MAGI2: variants seen among roughly 807,000 people sequenced by gnomAD.
MAGI2 encodes membrane associated guanylate kinase, WW and PDZ domain containing 2.
Under a neutral mutation model 133.3 loss-of-function variants are expected in MAGI2, and 35 were observed. The ratio of observed to expected loss-of-function variants is 0.26; its 90% CI spans 0.20 to 0.35. MAGI2 has a LOEUF of 0.35. Ranked by LOEUF, MAGI2 falls within the 10% of genes least tolerant of loss-of-function variation. The probability of loss-of-function intolerance (pLI) is 1.00; values close to 1 mark genes in which losing one functional copy is unlikely to be tolerated. For missense variants in MAGI2, 1,636 were observed against 1,863.4 expected, an observed-to-expected ratio of 0.88 and a Z score of 2.25; for synonymous variants, 729 against 710.6, an observed-to-expected ratio of 1.03 and a Z score of -0.41.
At chr7:78,317,263 T>C (rs73152045) in intron 9 of MAGI2, among the ~76,000 whole-genome samples, 34,410 of 152,142 alleles carry the variant, frequency 0.23, 5,179 homozygotes, top group African/African-American at 0.41. Context: ...CACCCTCTTC[T>C]GAGGAATTTT....
At chr7:79,091,590 A>G (rs949764237) in intron 1 of MAGI2, among the ~76,000 whole-genome samples, 3 of 152,212 alleles carry the variant, frequency 2.0e-5, no homozygotes, top group African/African-American at 7.2e-5. Context: ...TGTTTTAAAT[A>G]CTATTTTACA....
At chr7:78,030,164 C>T (rs1482031350) in intron 21 of MAGI2, among the ~76,000 whole-genome samples, 1 of 152,166 alleles carries the variant, frequency 6.6e-6, no homozygotes, top group Non-Finnish European at 1.5e-5. Flanking sequence ...TGGAACAATA[C>T]CTGCCATACT....
chr7:78,363,536 C>G (rs1204648147), intron 7 of MAGI2, among the ~76,000 whole-genome samples: 1 of 110,176 alleles, frequency 9.1e-6, no homozygotes, highest in Non-Finnish European at 1.8e-5. Flanking sequence ...AATAATAATT[C>G]TGAAGAAACA....
At chr7:78,123,834 A>G (rs530296207) in intron 20 of MAGI2, among the ~76,000 whole-genome samples, 59 of 152,318 alleles carry the variant, frequency 3.9e-4, no homozygotes, top group Admixed American at 5.9e-4. Context: ...CCCCACTCCT[A>G]GAGTTTCTGA....
chr7:79,070,102 G>C (rs1458794648), intron 1 of MAGI2, among the ~76,000 whole-genome samples: 1 of 152,076 alleles, frequency 6.6e-6, no homozygotes, highest in African/African-American at 2.4e-5. Context: ...CTCTTCTCAA[G>C]GAGTATCTTT....
intron 20 of MAGI2, among the ~76,000 whole-genome samples, chr7:78,094,875 T>C (rs1057333757): frequency 2.4e-4 from 36 of 152,322 alleles, no homozygotes; most frequent in African/African-American, 8.4e-4. Flanking sequence ...CATTGCATAC[T>C]AGGCTGAAGG....
chr7:78,155,857 G>A (rs1308033817), intron 16 of MAGI2, among the ~76,000 whole-genome samples: 1 of 152,152 alleles, frequency 6.6e-6, no homozygotes, highest in African/African-American at 2.4e-5. Flanking sequence ...CTTTGGTAAA[G>A]AGCATTACTA....
At chr7:78,570,557 A>AG (rs1801398496) in intron 3 of MAGI2, among the ~76,000 whole-genome samples, 1 of 152,148 alleles carries the variant, frequency 6.6e-6, no homozygotes, top group South Asian at 2.1e-4. Context: ...TGACAGTGAC[A>AG]GGGGGTGGGA....
At chr7:78,690,394 C>T (rs1350303970) in intron 2 of MAGI2, among the ~76,000 whole-genome samples, 2 of 152,154 alleles carry the variant, frequency 1.3e-5, no homozygotes, top group Non-Finnish European at 2.9e-5. Context: ...TCCCATTCCT[C>T]TCTGACCGCT....
At chr7:78,463,898 A>C (rs959174043) in intron 6 of MAGI2, among the ~76,000 whole-genome samples, 1 of 152,142 alleles carries the variant, frequency 6.6e-6, no homozygotes, top group African/African-American at 2.4e-5. Flanking sequence ...GGGGGAATGA[A>C]AGAAGGGAGG....
intron 1 of MAGI2, among the ~76,000 whole-genome samples, chr7:79,290,272 G>A (rs1335021245): frequency 6.6e-6 from 1 of 151,908 alleles, no homozygotes; most frequent in East Asian, 1.9e-4. Context: ...CATATCAAAA[G>A]CTAAACTCAC....
At chr7:78,117,538 A>C (rs971589739) in intron 20 of MAGI2, among the ~76,000 whole-genome samples, 1 of 152,130 alleles carries the variant, frequency 6.6e-6, no homozygotes, top group African/African-American at 2.4e-5. Flanking sequence ...TAATCTGTTG[A>C]AGGTTATCTA....
At chr7:79,089,333 T>C (rs1009058592) in intron 1 of MAGI2, among the ~76,000 whole-genome samples, 1 of 152,084 alleles carries the variant, frequency 6.6e-6, no homozygotes, top group Non-Finnish European at 1.5e-5. Flanking sequence ...GAGAGAAATA[T>C]GAACGTTTTT....
intron 6 of MAGI2, among the ~76,000 whole-genome samples, chr7:78,464,192 A>C (rs553793443): frequency 1.3e-5 from 2 of 152,256 alleles, no homozygotes; most frequent in South Asian, 4.2e-4. Context: ...GAAATGCTTC[A>C]GTTTGCTGGG....
Position 79,314,256 on chromosome 7 carries a change from G to A in MAGI2, c.301+138764C>T, listed in dbSNP as rs1040111195. Reference sequence around the variant, plus strand: ...CCCAAAATGCTGGGATTATGGGCATGAGCCACCCTTCTTGGCCTTATTTTA... The same window carrying A: ...CCCAAAATGCTGGGATTATGGGCATAAGCCACCCTTCTTGGCCTTATTTTA... On this transcript the variant is annotated intron_variant, in intron 1 of 21. Transcript: ENST00000354212. 3.0e-4 allele frequency among the ~76,000 whole-genome samples: 45 copies of A among 151,352 alleles called. 1 individual carries two copies. The highest frequency in any genetic ancestry group is 1.1e-3 in the African/African-American group (45 of 41,204).
intron 3 of MAGI2, among the ~76,000 whole-genome samples, chr7:78,593,174 C>T (rs537423645): frequency 6.6e-6 from 1 of 150,912 alleles, no homozygotes; most frequent in Non-Finnish European, 1.5e-5. Context: ...GGGCGGATCA[C>T]GAGGTCAGGA....
chr7:78,507,560 A>G (rs994428223), intron 4 of MAGI2, among the ~76,000 whole-genome samples: 5 of 152,320 alleles, frequency 3.3e-5, no homozygotes, highest in Middle Eastern at 6.8e-3. Flanking sequence ...ATTCAAGGCA[A>G]CATGGAGGGT....
chr7:78,665,822 C>T (rs1008609932), intron 2 of MAGI2, among the ~76,000 whole-genome samples: 2 of 152,022 alleles, frequency 1.3e-5, no homozygotes, highest in Admixed American at 6.6e-5. Context: ...CTTTGTTGAA[C>T]AACTATTATA....
chr7:78,415,632 T>G (rs1798230452), intron 6 of MAGI2, among the ~76,000 whole-genome samples: 2 of 152,058 alleles, frequency 1.3e-5, no homozygotes, highest in Admixed American at 1.3e-4. Context: ...TTCTGGCAAG[T>G]GTCTCAAGCC....
Sources: gnomAD v4.1 joint callset for allele counts (sites outside exome capture counted in the v4.1 genomes callset) on GRCh38, gnomAD v4.1.1 for gene constraint, MANE v1.5 for transcripts, NCBI Gene and HGNC (gene_info 2026-07-23, HGNC 2026-07-21) for gene names.